Variants in SDK1 observed in about 807,000 individuals in gnomAD.
SDK1 encodes the protein sidekick cell adhesion molecule 1, also known as protein sidekick-1.
A neutral mutation model predicts 245.5 loss-of-function variants in SDK1; 157 were observed. The ratio of observed to expected loss-of-function variants is 0.64; its 90% CI spans 0.56 to 0.73. SDK1 has a LOEUF of 0.73. Ranked by LOEUF, SDK1 falls within the 30% of genes least tolerant of loss-of-function variation. SDK1 has a pLI of 0.00. For missense variants in SDK1, 3,583 were observed against 3,002.3 expected, an observed-to-expected ratio of 1.19 and a Z score of -4.52; for synonymous variants, 1,647 against 1,278.5, an observed-to-expected ratio of 1.29 and a Z score of -6.15.
At chr7:3,504,939 C>G (rs1037693168) in intron 1 of SDK1, among the ~76,000 whole-genome samples, 1 of 152,030 alleles carries the variant, frequency 6.6e-6, no homozygotes, top group Non-Finnish European at 1.5e-5. Context: ...AACATAAATC[C>G]CTGCAAAAAC....
At chr7:3,933,738 T>G (rs892346625) in intron 5 of SDK1, among the ~76,000 whole-genome samples, 1 of 152,250 alleles carries the variant, frequency 6.6e-6, no homozygotes, top group Non-Finnish European at 1.5e-5. Flanking sequence ...TAAAAATATT[T>G]CTTCTGTTCC....
In SDK1 at chr7:3,466,956, G is replaced by A. The variant is rs187836496; in HGVS notation, c.299-152124G>A. Among the ~76,000 whole-genome samples the A allele has an allele frequency of 5.5e-3, 767 of 139,768 alleles. 8 individuals carry two copies. Among genetic ancestry groups the A allele is most frequent in the South Asian group, 0.02 (84 of 4,270 alleles). The allele number at this position is 139,768 out of a possible 152,430, so 91.7% of individuals were successfully genotyped here. On this transcript the variant is annotated intron_variant, in intron 1 of 44. Coordinates refer to ENST00000404826, the MANE Select transcript of SDK1 (RefSeq NM_152744.4). Reference sequence around the variant, plus strand: ...TTAGTATTTTGTCTCTAGTTACTTCGAAATCTCTCTCCTCTCTCTCTCTAC... The same window carrying A: ...TTAGTATTTTGTCTCTAGTTACTTCAAAATCTCTCTCCTCTCTCTCTCTAC...
intron 1 of SDK1, among the ~76,000 whole-genome samples, chr7:3,472,385 GA>G (rs149892446): frequency 0.1 from 15,473 of 151,740 alleles, 1,032 homozygotes; most frequent in African/African-American, 0.18. Flanking sequence ...GAAGGAAATG[GA>G]AAAAAAATTA....
intron 17 of SDK1, among the ~76,000 whole-genome samples, chr7:4,028,920 A>T (rs557285671): frequency 6.6e-6 from 1 of 152,104 alleles, no homozygotes; most frequent in East Asian, 1.9e-4. Context: ...TGGGGACAGG[A>T]CTCCAGGTTC....
At chr7:4,233,993 G>T (rs1207581777) in intron 41 of SDK1, among the ~76,000 whole-genome samples, 2 of 152,228 alleles carry the variant, frequency 1.3e-5, no homozygotes, top group South Asian at 2.1e-4. Flanking sequence ...TCATTCGCAA[G>T]GAAAGCAGAG....
chr7:4,214,288 G>GT, intron 38 of SDK1, among the ~76,000 whole-genome samples: 1 of 152,320 alleles, frequency 6.6e-6, no homozygotes, highest in East Asian at 1.9e-4. Flanking sequence ...TCACTAAAGC[G>GT]TTTTATATTC....
chr7:3,953,568 C>A lies in SDK1; in HGVS notation c.1150+1648C>A, dbSNP rs540733756. 1.1e-4 allele frequency among the ~76,000 whole-genome samples: 17 copies of A among 152,230 alleles called. No individual in the cohort carries two copies. In the South Asian group the frequency reaches 3.5e-3, roughly 32 times the overall value. On this transcript the variant is annotated intron_variant, in intron 7 of 44. Coordinates refer to ENST00000404826, the MANE Select transcript of SDK1 (RefSeq NM_152744.4). Reference sequence around the variant, plus strand: ...TAGATTCAGCCAAAATTAAAATTTGCGACGTGTAAATCTCTAGTAGACAGG... The same window carrying A: ...TAGATTCAGCCAAAATTAAAATTTGAGACGTGTAAATCTCTAGTAGACAGG...
At chr7:3,946,465 C>A (rs1264275375) in intron 5 of SDK1, among the ~76,000 whole-genome samples, 6 of 151,960 alleles carry the variant, frequency 3.9e-5, no homozygotes, top group Admixed American at 3.9e-4. Flanking sequence ...CATGTGTGTG[C>A]CACCACACCT....
chr7:4,157,479 A>AAAGC (rs1554368291), intron 30 of SDK1, among the ~76,000 whole-genome samples: 6 of 102,470 alleles, frequency 5.9e-5, no homozygotes, highest in Non-Finnish European at 9.8e-5. Context: ...GGAAGGAGGG[A>AAAGC]AGGAAGGGAG....
At chr7:3,571,559 C>T (rs1780117368) in intron 1 of SDK1, among the ~76,000 whole-genome samples, 1 of 152,026 alleles carries the variant, frequency 6.6e-6, no homozygotes. Flanking sequence ...CCTGCCTTAG[C>T]CTCCCAAAGT....
chr7:3,514,365 T>C (rs1562533011), intron 1 of SDK1, among the ~76,000 whole-genome samples: 1 of 152,238 alleles, frequency 6.6e-6, no homozygotes, highest in Non-Finnish European at 1.5e-5. Flanking sequence ...AACACCCAAA[T>C]ATATCTGTAG....
At position 3,698,035 on chromosome 7, in the gene SDK1, T is replaced by C. The variant is rs536022904; in HGVS notation, c.713+55930T>C. On this transcript the variant is annotated intron_variant, in intron 4 of 44. Transcript: ENST00000404826. ...CTCTGAGCTTTCCGTTTCTCTCATT[T>C]AGCTTGCACTGGGTGTTGAGAAGCT... 4.1e-4 allele frequency among the ~76,000 whole-genome samples: 62 copies of C among 152,314 alleles called. 1 individual carries two copies. In the South Asian group the frequency reaches 0.012, roughly 31 times the overall value.
chr7:4,213,797 G>A (rs1048893725), intron 38 of SDK1, among the ~76,000 whole-genome samples: 7 of 152,168 alleles, frequency 4.6e-5, no homozygotes, highest in Non-Finnish European at 5.9e-5. Context: ...TGTGTTTTCA[G>A]TGTTGCCGTT....
intron 2 of SDK1, among the ~76,000 whole-genome samples, chr7:3,629,148 A>G (rs1782209637): frequency 6.6e-6 from 1 of 151,794 alleles, no homozygotes; most frequent in Admixed American, 6.6e-5. Flanking sequence ...AAAAAAAAAA[A>G]AAATTAGCCG....
chr7:3,735,449 C>T (rs1462294265), intron 4 of SDK1, among the ~76,000 whole-genome samples: 1 of 152,152 alleles, frequency 6.6e-6, no homozygotes, highest in Admixed American at 6.5e-5. Context: ...ACTTATTTCA[C>T]TTGGTATAAT....
chr7:3,564,696 G>T (rs545955755), intron 1 of SDK1, among the ~76,000 whole-genome samples: 1 of 151,940 alleles, frequency 6.6e-6, no homozygotes, highest in Non-Finnish European at 1.5e-5. Flanking sequence ...ACCAATACAT[G>T]GTAAAGAAAT....
At chr7:3,884,406 T>C (rs374380254) in intron 5 of SDK1, among the ~76,000 whole-genome samples, 1 of 152,336 alleles carries the variant, frequency 6.6e-6, no homozygotes, top group South Asian at 2.1e-4. Flanking sequence ...GCTTTGTTGT[T>C]TGATACTGTT....
intron 2 of SDK1, among the ~76,000 whole-genome samples, chr7:3,625,545 G>T (rs1478280492): frequency 6.6e-6 from 1 of 152,198 alleles, no homozygotes; most frequent in Non-Finnish European, 1.5e-5. Context: ...CCAGTGCAGG[G>T]ATCCCTTATC....
intron 14 of SDK1, among the ~76,000 whole-genome samples, chr7:4,001,460 G>C (rs1324649902): frequency 2.0e-5 from 3 of 152,184 alleles, no homozygotes; most frequent in African/African-American, 4.8e-5. Flanking sequence ...TTGGTGTCTT[G>C]ACCTGAGGCT....
Sources: allele counts gnomAD v4.1 joint callset (sites outside exome capture counted in the v4.1 genomes callset), GRCh38; gene constraint gnomAD v4.1.1; transcripts MANE v1.5; gene names NCBI Gene and HGNC (gene_info 2026-07-23, HGNC 2026-07-21).